RNFT2: variants seen among roughly 807,000 people sequenced by gnomAD.
RNFT2 encodes the protein ring finger protein, transmembrane 2, also known as E3 ubiquitin-protein ligase RNFT2.
RNFT2 carries 36 observed loss-of-function variants against 53.0 expected under a neutral mutation model. The observed-to-expected ratio is 0.68, with a 90% CI of 0.52 to 0.90. RNFT2 has a LOEUF of 0.90. Among genes scored for constraint, RNFT2 ranks in the 40% least tolerant of loss-of-function variants. The probability of loss-of-function intolerance (pLI) is 0.00; values close to 1 mark genes in which losing one functional copy is unlikely to be tolerated. For missense variants in RNFT2, 514 were observed against 585.6 expected (o/e 0.88, Z 1.26); for synonymous variants, 260 against 253.2 (o/e 1.03, Z -0.26).
At chr12:116,819,621 G>A (rs1041362885) in intron 7 of RNFT2, among the ~76,000 whole-genome samples, 2 of 152,292 alleles carry the variant, frequency 1.3e-5, no homozygotes, top group Non-Finnish European at 2.9e-5. Context: ...GGGTGGTGAC[G>A]TCACCGGCAG....
intron 7 of RNFT2, among the ~76,000 whole-genome samples, chr12:116,797,516 C>G (rs1349055016): frequency 6.6e-6 from 1 of 150,944 alleles, no homozygotes; most frequent in Non-Finnish European, 1.5e-5. Flanking sequence ...GATGATGCCA[C>G]TGCACTCCAG....
chr12:116,782,740 AC>A (rs1171469130), intron 7 of RNFT2, among the ~76,000 whole-genome samples: 2 of 150,976 alleles, frequency 1.3e-5, no homozygotes, highest in South Asian at 2.1e-4. Flanking sequence ...TATTCCTACC[AC>A]CCCCTTTCTC....
intron 7 of RNFT2, among the ~76,000 whole-genome samples, chr12:116,825,473 G>C (rs1475099241): frequency 6.6e-6 from 1 of 152,200 alleles, no homozygotes; most frequent in Non-Finnish European, 1.5e-5. Flanking sequence ...GCTGTATCAT[G>C]TACTGGGCCC....
At position 116,750,306 on chromosome 12, in the gene RNFT2, C is replaced by T. The variant is rs113194697; in HGVS notation, c.549C>T (p.Leu183=). 7.1e-5 allele frequency: 114 copies of T among 1,596,660 alleles called. No individual in the cohort carries two copies. The African/African-American group carries it at 1.1e-3, about 16-fold the overall frequency. Residue 183 remains leucine, a splice_region_variant and synonymous_variant, in exon 4 of 11, where the codon CTC becomes CTT. Transcript: ENST00000257575. ...CCAAACTGTGCTTTCAGCATAAGCT[C>T]GGTGAGTTCTGGGGGCATGGGTGTC... ...LLAKLCFQHK[L]GIAVCIGMAS...
intron 5 of RNFT2, among the ~76,000 whole-genome samples, chr12:116,755,161 G>A (rs1317518473): frequency 2.6e-5 from 4 of 152,104 alleles, no homozygotes; most frequent in African/African-American, 9.7e-5. Context: ...ATTGATTTTT[G>A]TATAAGGTGA....
chr12:116,772,556 C>T (rs1291030337), intron 6 of RNFT2, among the ~76,000 whole-genome samples: 1 of 152,254 alleles, frequency 6.6e-6, no homozygotes, highest in Non-Finnish European at 1.5e-5. Context: ...CCACCCGCCT[C>T]GGCCTCCCAA....
intron 5 of RNFT2, among the ~76,000 whole-genome samples, chr12:116,763,619 C>CA (rs34013122): frequency 0.89 from 132,610 of 148,316 alleles, 59,527 homozygotes; most frequent in Non-Finnish European, 0.94. Flanking sequence ...AAAAAAATAA[C>CA]AAAAAAAAAA....
chr12:116,801,064 T>C (rs1349603977), intron 7 of RNFT2: 1 of 152,142 alleles, frequency 6.6e-6, no homozygotes, highest in Non-Finnish European at 1.5e-5. Flanking sequence ...TTTGGTCTTC[T>C]CAGCAACACT....
At chr12:116,762,946 G>A (rs1872747056) in intron 5 of RNFT2, among the ~76,000 whole-genome samples, 1 of 152,068 alleles carries the variant, frequency 6.6e-6, no homozygotes, top group African/African-American at 2.4e-5. Flanking sequence ...GCCAGGTGTG[G>A]GGGCATGTGC....
Position 116,772,953 on chromosome 12 carries a change from C to G in RNFT2, c.728+6039C>G, listed in dbSNP as rs1470531218. Among the ~76,000 whole-genome samples the G allele has an allele frequency of 3.3e-5, 5 of 152,162 alleles. No individual in the cohort carries two copies. The East Asian group carries it at 9.6e-4, about 29-fold the overall frequency. On this transcript the variant is annotated intron_variant, in intron 6 of 10. Coordinates refer to ENST00000257575, the MANE Select transcript of RNFT2 (RefSeq NM_001382266.1). The stretch of plus-strand genomic sequence containing the variant: ...AAGCAATTCTCCTGCCTCAGCCTCT[C>G]AAGTAGCTAGGACTACAGACACATG...
chr12:116,781,280 G>T (rs1029186693), intron 7 of RNFT2, among the ~76,000 whole-genome samples: 5 of 152,120 alleles, frequency 3.3e-5, no homozygotes, highest in African/African-American at 9.7e-5. Context: ...TGCCCAGGGG[G>T]CTGACCTGCG....
Position 116,765,621 on chromosome 12 carries a change from C to A in RNFT2, c.628-1193C>A, listed in dbSNP as rs1017325953. 2.6e-5 allele frequency among the ~76,000 whole-genome samples: 4 copies of A among 152,192 alleles called. No individual in the cohort carries two copies. The South Asian group carries it at 6.2e-4, about 24-fold the overall frequency. On this transcript the variant is annotated intron_variant, in intron 5 of 10. Transcript: ENST00000257575. The stretch of plus-strand genomic sequence containing the variant: ...GGGTACATAGGCAGGAACACGCCCC[C>A]CTTTGCATCTCCTTCAGACATTTCC...
chr12:116,833,330 T>G (rs750627259), intron 7 of RNFT2, among the ~76,000 whole-genome samples: 1 of 152,232 alleles, frequency 6.6e-6, no homozygotes, highest in Non-Finnish European at 1.5e-5. Flanking sequence ...TGCCTGGCCT[T>G]ACCTGCATTC....
intron 7 of RNFT2, among the ~76,000 whole-genome samples, chr12:116,788,712 TGTAA>T (rs1380399564): frequency 6.6e-6 from 1 of 152,294 alleles, no homozygotes; most frequent in African/African-American, 2.4e-5. Context: ...ATTGTATGTA[TGTAA>T]GTATGTATAC....
At chr12:116,831,572 C>T (rs907519964) in intron 7 of RNFT2, among the ~76,000 whole-genome samples, 9 of 151,540 alleles carry the variant, frequency 5.9e-5, no homozygotes, top group Non-Finnish European at 1.5e-5. Flanking sequence ...GCTGTAGTGA[C>T]CATTCCTATA....
intron 4 of RNFT2, among the ~76,000 whole-genome samples, chr12:116,750,824 T>TAC (rs1872169609): frequency 1.2e-4 from 3 of 25,212 alleles, no homozygotes; most frequent in Non-Finnish European, 2.1e-4. Context: ...ATATATTATA[T>TAC]ATATAATATA....
chr12:116,837,789 T>C (rs1015036211), intron 10 of RNFT2, among the ~76,000 whole-genome samples: 1 of 152,148 alleles, frequency 6.6e-6, no homozygotes. Flanking sequence ...GTTTCTTAGC[T>C]TTGACAAATG....
intron 7 of RNFT2, among the ~76,000 whole-genome samples, chr12:116,805,189 T>A (rs555837871): frequency 2.4e-4 from 36 of 151,072 alleles, no homozygotes; most frequent in African/African-American, 8.3e-4. Context: ...TCACTTCCTC[T>A]ATCGCCCACT....
intron 7 of RNFT2, among the ~76,000 whole-genome samples, chr12:116,814,472 G>A (rs1486818979): frequency 6.6e-6 from 1 of 152,144 alleles, no homozygotes; most frequent in Admixed American, 6.5e-5. Context: ...GCAAGGGAGT[G>A]TGCCATGTGG....
Sources: gnomAD v4.1 joint callset for allele counts (sites outside exome capture counted in the v4.1 genomes callset) on GRCh38, gnomAD v4.1.1 for gene constraint, MANE v1.5 for transcripts, NCBI Gene and HGNC (gene_info 2026-07-23, HGNC 2026-07-21) for gene names.